The following PREB variants were observed in gnomAD, a reference collection of about 807,000 sequenced individuals.
PREB encodes the protein guanine nucleotide-exchange factor SEC12.
In PREB, 29 loss-of-function variants were observed where a neutral mutation model predicts 46.7. That is an observed-to-expected ratio of 0.62 (90% confidence interval 0.46 to 0.85). The LOEUF is 0.85. PREB is among the 40% of genes least tolerant of loss of function. PREB has a pLI of 0.00. For synonymous variants in PREB, 224 were observed against 220.1 expected, an observed-to-expected ratio of 1.02 and a Z score of -0.16; for missense variants, 494 against 528.4, an observed-to-expected ratio of 0.93 and a Z score of 0.64.
intron 1 of PREB, 25 bp downstream of exon 1, chr2:27,134,262 A>G: frequency 6.4e-7 from 1 of 1,572,858 alleles, no homozygotes. Flanking sequence ...AGCAAGACCC[A>G]GCCCCAGTGG....
At position 27,131,045 on chromosome 2, in the gene PREB, G is replaced by A. The variant is rs984762922; in HGVS notation, c.*369C>T. On this transcript the variant is annotated 3_prime_UTR_variant, in exon 9 of 9. Coordinates refer to ENST00000260643, the MANE Select transcript of PREB (RefSeq NM_013388.6). ...GGCCACAAGGCTGAGGGGAGGAGGA[G>A]AAACTGTTTCTGCAGGAAGGACAGC... 7.6e-6 allele frequency: 4 copies of A among 524,912 alleles called. No homozygotes were observed. Among genetic ancestry groups the A allele is most frequent in the Non-Finnish European group, 1.4e-5 (4 of 293,032 alleles). 32.5% of individuals were successfully genotyped at this position (524,912 alleles called of 1,614,324 possible). A position where few individuals can be genotyped will look rare whatever the true frequency, so the allele number is the denominator to read the frequency against.
Position 27,131,151 on chromosome 2 carries a change from A to G in PREB, c.*263T>C. ...CTCTGGAGCCTCTGGTAGGCAGAAG[A>G]AAGGAGGCAGGGAGTATGGCCTGGG... On this transcript the variant is annotated 3_prime_UTR_variant, in exon 9 of 9. Transcript: ENST00000260643. The G allele has an allele frequency of 1.8e-6, 1 of 546,570 alleles. No individual in the cohort carries two copies. The highest frequency in any genetic ancestry group is 3.3e-6 in the Non-Finnish European group (1 of 307,226). 33.9% of individuals were successfully genotyped at this position (546,570 alleles called of 1,614,324 possible).
chr2:27,134,289 C>T lies in PREB; in HGVS notation c.133G>A (p.Val45Met). The change falls in exon 1 of 9, where the codon GTG (valine) becomes ATG (methionine). Residue 45 changes from valine (V) to methionine (M), a missense_variant and splice_region_variant. Val to Met is a conservative substitution (Grantham distance 21). Coordinates refer to ENST00000260643, the MANE Select transcript of PREB (RefSeq NM_013388.6). ...CCCCAGTGGCCCTGCGCTCTCACCA[C>T]GCCATTCTTTATGCCTGTCTTGGCG... ...GAAKTGIKNG[V>M]HFLQLELING... 1 of 1,605,504 alleles carries T rather than the reference C, an allele frequency of 6.2e-7. No individual in the cohort carries two copies. Among genetic ancestry groups the T allele is most frequent in the South Asian group, 1.1e-5 (1 of 90,052 alleles).
rs1572344542 is a variant in PREB at position 27,131,142 on chromosome 2, A to G, written c.*272T>C. ...CAAGCTCAACTCTGGAGCCTCTGGT[A>G]GGCAGAAGAAAGGAGGCAGGGAGTA... On this transcript the variant is annotated 3_prime_UTR_variant, in exon 9 of 9. Coordinates refer to ENST00000260643, the MANE Select transcript of PREB (RefSeq NM_013388.6). 4 of 538,938 alleles carry G rather than the reference A, an allele frequency of 7.4e-6. 1 individual carries two copies. The East Asian group carries it at 1.3e-4, about 17-fold the overall frequency. 33.4% of individuals were successfully genotyped at this position (538,938 alleles called of 1,614,324 possible).
At position 27,132,166 on chromosome 2, in the gene PREB, G is replaced by A; in HGVS notation, c.926+64C>T. 1 of 1,609,638 alleles carries A rather than the reference G, an allele frequency of 6.2e-7. No individual in the cohort carries two copies. The highest frequency in any genetic ancestry group is 8.5e-7 in the Non-Finnish European group (1 of 1,175,934). ...CCAATACCGGTCCGTAGGGACCCAGGCAGGACTCCTTTCCAAGCTCCCTCA... is the reference window on the plus strand; with the variant it reads ...CCAATACCGGTCCGTAGGGACCCAGACAGGACTCCTTTCCAAGCTCCCTCA... On this transcript the variant is annotated intron_variant, in intron 6 of 8. Coordinates refer to ENST00000260643, the MANE Select transcript of PREB (RefSeq NM_013388.6). This position sits in a 1 kb window ranked among gnomAD's most constrained non-coding sequence, Gnocchi z 4.0.
In PREB at chr2:27,134,074, CTG is replaced by C; in HGVS notation, c.135+211_135+212del. On this transcript the variant is annotated intron_variant, in intron 1 of 8. Transcript: ENST00000260643. ...TGAAGCGTTCCTGGCGACTCTGCAG[CTG>C]TGTGCAGTTTTCACTTTACCTTAAA... The C allele has an allele frequency of 4.3e-6, 3 of 693,110 alleles. No homozygotes were observed. The South Asian group carries it at 5.8e-5, about 13-fold the overall frequency. 42.9% of individuals were successfully genotyped at this position (693,110 alleles called of 1,614,324 possible). A position where few individuals can be genotyped will look rare whatever the true frequency, so the allele number is the denominator to read the frequency against.
In PREB at chr2:27,131,505, C is replaced by T; in HGVS notation, c.1163G>A (p.Ser388Asn). The change falls in exon 9 of 9, where the codon AGT (serine) becomes AAT (asparagine). Residue 388 changes from serine (S) to asparagine (N), a missense_variant. Ser to Asn is a conservative substitution (Grantham distance 46, BLOSUM62 1). Transcript: ENST00000260643. ...CQLHLLPSRRSVPVWLLLLLC... is the reference protein window; with the variant it reads ...CQLHLLPSRRNVPVWLLLLLC... Reference sequence around the variant, plus strand: ...CAGGAGCAGGAGCCACACAGGAACACTCCCTGCAGGAGGGAAAGGGAGGAG... The same window carrying T: ...CAGGAGCAGGAGCCACACAGGAACATTCCCTGCAGGAGGGAAAGGGAGGAG... The T allele has an allele frequency of 6.3e-7, 1 of 1,590,820 alleles. No individual in the cohort carries two copies. The highest frequency in any genetic ancestry group is 1.3e-5 in the African/African-American group (1 of 74,368).
At position 27,131,112 on chromosome 2, in the gene PREB, A is replaced by G. The variant is rs1371900529; in HGVS notation, c.*302T>C. The G allele has an allele frequency of 2.2e-6, 1 of 464,734 alleles. No individual in the cohort carries two copies. Among genetic ancestry groups the G allele is most frequent in the African/African-American group, 3.1e-5 (1 of 32,302 alleles). 28.8% of individuals were successfully genotyped at this position (464,734 alleles called of 1,614,324 possible). ...TGGGCATCTTCACATGTTTCTAGATAAGGACAAGCTCAACTCTGGAGCCTC... is the reference window on the plus strand; with the variant it reads ...TGGGCATCTTCACATGTTTCTAGATGAGGACAAGCTCAACTCTGGAGCCTC... On this transcript the variant is annotated 3_prime_UTR_variant, in exon 9 of 9. Coordinates refer to ENST00000260643, the MANE Select transcript of PREB (RefSeq NM_013388.6).
chr2:27,132,062 C>T lies in PREB; in HGVS notation c.947G>A (p.Gly316Asp), dbSNP rs771544869. ...AACAGAGCCAGTGACTGTGCCCAGG[C>T]CTAGGAAGGTGCCGGATTCACTGCA... is the stretch of plus-strand genomic sequence containing the variant. ...LDVSESGTFL[G>D]LGTVTGSVAI... Residue 316 changes from glycine (G) to aspartate (D), a missense_variant, in exon 7 of 9, where the codon GGC becomes GAC. Coordinates refer to ENST00000260643, the MANE Select transcript of PREB (RefSeq NM_013388.6). The surrounding 1 kb of genome is among the most constrained non-coding windows in gnomAD (Gnocchi z 4.0). 2.2e-5 allele frequency: 35 copies of T among 1,614,004 alleles called. No individual in the cohort carries two copies. The highest frequency in any genetic ancestry group is 2.9e-5 in the Non-Finnish European group (34 of 1,180,008).
intron 7 of PREB, 88 bp from the exon 8 acceptor site, chr2:27,131,919 C>T (rs969851023): frequency 2.3e-5 from 36 of 1,592,844 alleles, no homozygotes; most frequent in Non-Finnish European, 2.8e-5. Flanking sequence ...GGATTTCCCT[C>T]GATAGGATGG....
chr2:27,131,942 C>T, intron 7 of PREB, 68 bp downstream of exon 7: 2 of 1,593,848 alleles, frequency 1.3e-6, no homozygotes, highest in Admixed American at 1.7e-5. Flanking sequence ...CAGACTCCTT[C>T]CTGCAAACTC....
At position 27,133,533 on chromosome 2, in the gene PREB, G is replaced by A. The variant is rs764315732; in HGVS notation, c.324C>T (p.Ala108=). 2 of 1,612,970 alleles carry A rather than the reference G, an allele frequency of 1.2e-6. No homozygotes were observed. The highest frequency in any genetic ancestry group is 1.1e-5 in the South Asian group (1 of 91,008). The change falls in exon 2 of 9, where the codon GCC becomes GCT. Residue 108 remains alanine, a splice_region_variant and synonymous_variant. Coordinates refer to ENST00000260643, the MANE Select transcript of PREB (RefSeq NM_013388.6). The stretch of plus-strand genomic sequence containing the variant: ...GGGGGTAGAGAGGGAGCTCCTCACC[G>A]GCCTTCTCTGCCTTGTTGCCCTGCT... ...HQQQGNKAEK[A]GSKEQGPRQR...
Position 27,130,797 on chromosome 2 carries a change from A to C in PREB, c.*617T>G. 20 of 1,576,098 alleles carry C rather than the reference A, an allele frequency of 1.3e-5. No individual in the cohort carries two copies. Among genetic ancestry groups the C allele is most frequent in the Non-Finnish European group, 1.7e-5 (19 of 1,148,042 alleles). On this transcript the variant is annotated 3_prime_UTR_variant, in exon 9 of 9. Coordinates refer to ENST00000260643, the MANE Select transcript of PREB (RefSeq NM_013388.6). ...ACTCTTTCCTTGTTTATTAAATATCAACTTTTCCTGCCTAATGGGCTGAGG... is the reference window on the plus strand; with the variant it reads ...ACTCTTTCCTTGTTTATTAAATATCCACTTTTCCTGCCTAATGGGCTGAGG...
chr2:27,134,241 C>T, intron 1 of PREB, 46 bp downstream of exon 1: 1 of 1,510,450 alleles, frequency 6.6e-7, no homozygotes, highest in African/African-American at 1.4e-5. Flanking sequence ...CTGGAATCGC[C>T]GCCAGCCCGC....
In PREB at chr2:27,130,891, C is replaced by T. The variant is rs543827411; in HGVS notation, c.*523G>A. On this transcript the variant is annotated 3_prime_UTR_variant, in exon 9 of 9. Coordinates refer to ENST00000260643, the MANE Select transcript of PREB (RefSeq NM_013388.6). ...CTTATTGCATCTTTAGGCCAGCTGG[C>T]TTAGTGCTACCCATCTGAACCCCCA... The T allele has an allele frequency of 8.6e-6, 8 of 929,070 alleles. No homozygotes were observed. In the East Asian group the frequency reaches 2.1e-4, roughly 25 times the overall value. The allele number at this position is 929,070 out of a possible 1,614,324, so 57.6% of individuals were successfully genotyped here. A position where few individuals can be genotyped will look rare whatever the true frequency, so the allele number is the denominator to read the frequency against.
chr2:27,134,214 G>C, intron 1 of PREB, 73 bp downstream of exon 1: 1 of 1,451,760 alleles, frequency 6.9e-7, no homozygotes, highest in Non-Finnish European at 9.1e-7. Context: ...GGCCCGCCCC[G>C]CGACCCCCCG....
At chr2:27,133,092 C>T in intron 3 of PREB, 25 bp downstream of exon 3, 1 of 1,609,176 alleles carries the variant, frequency 6.2e-7, no homozygotes, top group Non-Finnish European at 8.5e-7. Context: ...TGACATTCAC[C>T]CTCCCTAACC....
At chr2:27,134,246 G>A in intron 1 of PREB, 41 bp downstream of exon 1, 1 of 1,526,776 alleles carries the variant, frequency 6.5e-7, no homozygotes. Flanking sequence ...ATCGCCGCCA[G>A]CCCGCAGCAA....
At position 27,134,572 on chromosome 2, in the gene PREB, T is replaced by C. The variant is rs979122869; in HGVS notation, c.-151A>G. 153 of 1,349,920 alleles carry C rather than the reference T, an allele frequency of 1.1e-4. 1 individual carries two copies. The African/African-American group carries it at 2.1e-3, about 18-fold the overall frequency. 83.6% of individuals were successfully genotyped at this position (1,349,920 alleles called of 1,614,324 possible). A position where few individuals can be genotyped will look rare whatever the true frequency, so the allele number is the denominator to read the frequency against. Reference sequence around the variant, plus strand: ...TCACACCGGGGAGTTGCCAAAACCCTGACCATCAGCAGGAAGCCGAGCCTC... The same window carrying C: ...TCACACCGGGGAGTTGCCAAAACCCCGACCATCAGCAGGAAGCCGAGCCTC... On this transcript the variant is annotated 5_prime_UTR_variant, in exon 1 of 9. Coordinates refer to ENST00000260643, the MANE Select transcript of PREB (RefSeq NM_013388.6).
Sources: gnomAD v4.1 joint callset for allele counts on GRCh38, gnomAD v4.1.1 for gene constraint, Gnocchi (gnomAD v3.1) non-coding constraint, MANE v1.5 for transcripts, NCBI Gene and HGNC (gene_info 2026-07-23, HGNC 2026-07-21) for gene names.